PTPRD: variants seen among roughly 807,000 people sequenced by gnomAD.
PTPRD encodes the protein receptor-type tyrosine-protein phosphatase delta.
Under a neutral mutation model 214.5 loss-of-function variants are expected in PTPRD, and 34 were observed. That is an observed-to-expected ratio of 0.16 (90% confidence interval 0.12 to 0.21). The LOEUF (loss-of-function observed/expected upper bound fraction) is 0.21. Ranked by LOEUF, PTPRD falls within the 10% of genes least tolerant of loss-of-function variation. The probability of loss-of-function intolerance (pLI) is 1.00; values close to 1 mark genes in which losing one functional copy is unlikely to be tolerated. For synonymous variants in PTPRD, 1,128 were observed against 845.7 expected (o/e 1.33, Z -5.79); for missense variants, 2,545 against 2,398.7 (o/e 1.06, Z -1.27).
At chr9:8,690,091 C>T (rs909185297) in intron 12 of PTPRD, among the ~76,000 whole-genome samples, 8 of 141,978 alleles carry the variant, frequency 5.6e-5, no homozygotes, top group South Asian at 2.2e-4. Context: ...CTAGGAGTTA[C>T]AGCGAGACTC....
chr9:9,390,143 T>C (rs1170065060), intron 9 of PTPRD, among the ~76,000 whole-genome samples: 1 of 151,670 alleles, frequency 6.6e-6, no homozygotes, highest in Non-Finnish European at 1.5e-5. Flanking sequence ...AGCCTGACAT[T>C]GGTTGGGGAT....
chr9:9,171,648 A>C (rs1253782011), intron 10 of PTPRD, among the ~76,000 whole-genome samples: 1 of 151,970 alleles, frequency 6.6e-6, no homozygotes, highest in Non-Finnish European at 1.5e-5. Flanking sequence ...ATTTTCTATA[A>C]GAGAAGAGAG....
chr9:9,197,309 T>A (rs564405177), intron 9 of PTPRD, among the ~76,000 whole-genome samples: 13 of 152,292 alleles, frequency 8.5e-5, no homozygotes, highest in African/African-American at 3.1e-4. Context: ...ATGGCTTGTG[T>A]TCTCCTACGC....
chr9:9,591,711 G>C lies in PTPRD; in HGVS notation c.-286-16930C>G, dbSNP rs543652973. Among the ~76,000 whole-genome samples the C allele has an allele frequency of 3.3e-5, 5 of 152,152 alleles. No homozygotes were observed. The South Asian group carries it at 8.3e-4, about 25-fold the overall frequency. On this transcript the variant is annotated intron_variant, in intron 7 of 45. Transcript: ENST00000381196. ...AATTGACACATAAGTGTGTATATTT[G>C]TGTGGTACAGTGGGATGTTTCCATA...
chr9:9,117,224 T>C (rs927173566), intron 10 of PTPRD, among the ~76,000 whole-genome samples: 1 of 150,812 alleles, frequency 6.6e-6, no homozygotes, highest in African/African-American at 2.5e-5. Context: ...AATTAAGTTT[T>C]TTTTTTTTTT....
intron 3 of PTPRD, among the ~76,000 whole-genome samples, chr9:10,058,278 C>T (rs895289054): frequency 1.3e-5 from 2 of 151,976 alleles, no homozygotes; most frequent in Non-Finnish European, 2.9e-5. Flanking sequence ...ATAAGTTAAC[C>T]TAGTAATGCC....
intron 3 of PTPRD, among the ~76,000 whole-genome samples, chr9:10,219,670 A>G (rs956538709): frequency 2.0e-5 from 3 of 151,794 alleles, no homozygotes; most frequent in African/African-American, 7.2e-5. Flanking sequence ...TTATTTTTTA[A>G]ACTTTAATCT....
chr9:9,921,392 C>A (rs968251182), intron 5 of PTPRD, among the ~76,000 whole-genome samples: 4 of 151,914 alleles, frequency 2.6e-5, no homozygotes, highest in African/African-American at 9.7e-5. Flanking sequence ...TCATTCCTAA[C>A]ATAAATTCTC....
chr9:8,956,986 G>C (rs78958100), intron 11 of PTPRD, among the ~76,000 whole-genome samples: 2,724 of 151,872 alleles, frequency 0.018, 79 homozygotes, highest in African/African-American at 0.061. Flanking sequence ...TCATGTCCCT[G>C]CGTTAATGGC....
At chr9:8,922,250 T>G (rs1012621811) in intron 11 of PTPRD, among the ~76,000 whole-genome samples, 3 of 152,236 alleles carry the variant, frequency 2.0e-5, no homozygotes, top group Non-Finnish European at 4.4e-5. Context: ...GAAATTTTTC[T>G]GAAATGGGTG....
At chr9:10,608,890 T>C (rs905145699) in intron 2 of PTPRD, among the ~76,000 whole-genome samples, 1 of 152,128 alleles carries the variant, frequency 6.6e-6, no homozygotes, top group East Asian at 1.9e-4. Flanking sequence ...ATTTATTCTT[T>C]ACGGATGCCA....
At chr9:10,041,609 T>A (rs291274) in intron 3 of PTPRD, among the ~76,000 whole-genome samples, 63,062 of 151,572 alleles carry the variant, frequency 0.42, 15,546 homozygotes, top group African/African-American at 0.67. Flanking sequence ...TAGATTCATT[T>A]AAAAAGTGTA....
rs1055732884 is a variant in PTPRD, at chr9:8,316,385, A to G, written c.*1489T>C. On this transcript the variant is annotated 3_prime_UTR_variant, in exon 46 of 46. Coordinates refer to ENST00000381196, the MANE Select transcript of PTPRD (RefSeq NM_002839.4). ...CTAAAACCAAAACGAAACAAAGTAC[A>G]GCACTTCCCAGGAATGCTGTATGCC... 37 of 231,548 alleles carry G rather than the reference A, an allele frequency of 1.6e-4. No individual in the cohort carries two copies. Among genetic ancestry groups the G allele is most frequent in the Non-Finnish European group, 3.2e-4 (37 of 116,814 alleles). The allele number at this position is 231,548 out of a possible 1,614,324, so 14.3% of individuals were successfully genotyped here. A position where few individuals can be genotyped will look rare whatever the true frequency, so the allele number is the denominator to read the frequency against.
chr9:8,662,841 A>C (rs1355118891), intron 12 of PTPRD, among the ~76,000 whole-genome samples: 1 of 152,138 alleles, frequency 6.6e-6, no homozygotes, highest in African/African-American at 2.4e-5. Context: ...GTTCTGTGGC[A>C]CACACATTTA....
At chr9:8,551,780 C>T (rs1328811102) in intron 14 of PTPRD, among the ~76,000 whole-genome samples, 1 of 152,114 alleles carries the variant, frequency 6.6e-6, no homozygotes, top group Non-Finnish European at 1.5e-5. Context: ...ACTATGAGGA[C>T]CAAATCAACC....
chr9:9,869,151 T>C (rs1265945483), intron 5 of PTPRD, among the ~76,000 whole-genome samples: 10 of 152,156 alleles, frequency 6.6e-5, no homozygotes, highest in Non-Finnish European at 1.5e-4. Context: ...CTTACTTTTT[T>C]ATAAATTGAT....
At chr9:10,569,550 C>T (rs1004185004) in intron 2 of PTPRD, among the ~76,000 whole-genome samples, 6 of 150,758 alleles carry the variant, frequency 4.0e-5, no homozygotes, top group East Asian at 2.0e-4. Context: ...TATATATATA[C>T]AGGCTTTTTA....
chr9:8,704,497 G>A (rs186595256), intron 12 of PTPRD, among the ~76,000 whole-genome samples: 13 of 152,136 alleles, frequency 8.5e-5, no homozygotes, highest in African/African-American at 9.7e-5. Context: ...AGCTCATTAC[G>A]TAGAGTATCA....
chr9:9,384,870 T>G (rs1033595276), intron 9 of PTPRD, among the ~76,000 whole-genome samples: 1 of 152,126 alleles, frequency 6.6e-6, no homozygotes, highest in Non-Finnish European at 1.5e-5. Context: ...GAAAAGAAAG[T>G]GCCTCTGAAA....
Sources: allele counts gnomAD v4.1 joint callset (sites outside exome capture counted in the v4.1 genomes callset), GRCh38; gene constraint gnomAD v4.1.1; transcripts MANE v1.5; gene names NCBI Gene and HGNC (gene_info 2026-07-23, HGNC 2026-07-21).